Variants in SLC10A7 observed in about 807,000 individuals in gnomAD.
The protein encoded by SLC10A7 is solute carrier family 10 member 7.
Under a neutral mutation model 43.2 loss-of-function variants are expected in SLC10A7, and 29 were observed. That is an observed-to-expected ratio of 0.67 (90% CI 0.50 to 0.92). The LOEUF (loss-of-function observed/expected upper bound fraction) is 0.92. SLC10A7 is among the 40% of genes least tolerant of loss of function. The probability of loss-of-function intolerance (pLI) is 0.00; values close to 1 mark genes in which losing one functional copy is unlikely to be tolerated. For synonymous variants in SLC10A7, 152 were observed against 144.8 expected (o/e 1.05, Z -0.35); for missense variants, 295 against 403.2 (o/e 0.73, Z 2.30).
At chr4:146,280,021 G>A (rs1391341572) in intron 10 of SLC10A7, among the ~76,000 whole-genome samples, 3 of 152,062 alleles carry the variant, frequency 2.0e-5, no homozygotes, top group African/African-American at 7.2e-5. Flanking sequence ...TACTCAGAAA[G>A]CTTCTCAAGC....
intron 4 of SLC10A7, among the ~76,000 whole-genome samples, chr4:146,472,856 T>A (rs974420169): frequency 6.6e-6 from 1 of 152,248 alleles, no homozygotes; most frequent in Non-Finnish European, 1.5e-5. Flanking sequence ...GATTGACTTA[T>A]TGCCTTTTAA....
chr4:146,489,731 G>A (rs987034916), intron 4 of SLC10A7, among the ~76,000 whole-genome samples: 1 of 152,152 alleles, frequency 6.6e-6, no homozygotes, highest in African/African-American at 2.4e-5. Flanking sequence ...ATCAGAAAGT[G>A]CTTGCATTTC....
At chr4:146,276,728 T>G (rs1341510070) in intron 10 of SLC10A7, among the ~76,000 whole-genome samples, 2 of 152,078 alleles carry the variant, frequency 1.3e-5, no homozygotes, top group African/African-American at 4.8e-5. Context: ...GGTGGGAGGA[T>G]TGCTTGAGGC....
chr4:146,424,879 T>G (rs1402504404), intron 5 of SLC10A7, among the ~76,000 whole-genome samples: 1 of 152,120 alleles, frequency 6.6e-6, no homozygotes, highest in African/African-American at 2.4e-5. Context: ...TATTATTAAT[T>G]TGTCAGAACA....
intron 5 of SLC10A7, among the ~76,000 whole-genome samples, chr4:146,409,520 G>T: frequency 6.6e-6 from 1 of 152,014 alleles, no homozygotes; most frequent in East Asian, 1.9e-4. Context: ...GGGGGTGATG[G>T]AATGTTCTAC....
rs1047500055 is a variant in SLC10A7, at chr4:146,351,552, T to A, written c.436-25556A>T. On this transcript the variant is annotated intron_variant, in intron 5 of 11. Coordinates refer to ENST00000335472, the MANE Select transcript of SLC10A7 (RefSeq NM_001029998.6). ...ACAGAGAATGCCACAAAGATACTCC[T>A]CGAGAAGAGCAACTCCAAGACACAT... Among the ~76,000 whole-genome samples the A allele has an allele frequency of 3.3e-4, 49 of 150,516 alleles. No homozygotes were observed. The East Asian group carries it at 7.1e-3, about 22-fold the overall frequency.
rs1730281428 is a variant in SLC10A7, at chr4:146,289,720, T to TG, written c.773+3208_773+3209insC. On this transcript the variant is annotated intron_variant, in intron 9 of 11. Transcript: ENST00000335472. ...TCTGATTATTAGTTTTTTTTTTTTTTTTTTTTTTTTTTTGAGATGGAGTCT... is the reference window on the plus strand; with the variant it reads ...TCTGATTATTAGTTTTTTTTTTTTTTGTTTTTTTTTTTTTGAGATGGAGTCT... Among the ~76,000 whole-genome samples the TG allele has an allele frequency of 2.1e-5, 3 of 139,714 alleles. 1 individual carries two copies. The South Asian group carries it at 7.4e-4, about 34-fold the overall frequency. The allele number at this position is 139,714 out of a possible 152,430, so 91.7% of individuals were successfully genotyped here.
intron 4 of SLC10A7, among the ~76,000 whole-genome samples, chr4:146,477,157 T>C (rs1294652382): frequency 6.6e-6 from 1 of 152,198 alleles, no homozygotes; most frequent in Non-Finnish European, 1.5e-5. Context: ...CTAACACATA[T>C]CTCCAATTAG....
chr4:146,319,921 TTATC>T (rs1392454585), intron 6 of SLC10A7, among the ~76,000 whole-genome samples: 4 of 152,006 alleles, frequency 2.6e-5, no homozygotes, highest in African/African-American at 4.8e-5. Context: ...AAAAGACAGT[TTATC>T]TATAGAAACA....
At chr4:146,508,555 T>C (rs565154166) in intron 3 of SLC10A7, among the ~76,000 whole-genome samples, 1 of 152,292 alleles carries the variant, frequency 6.6e-6, no homozygotes, top group South Asian at 2.1e-4. Context: ...AAGTAAATGA[T>C]GCTACCAATT....
chr4:146,460,381 T>A (rs1467217643), intron 4 of SLC10A7, among the ~76,000 whole-genome samples: 1 of 152,032 alleles, frequency 6.6e-6, no homozygotes, highest in African/African-American at 2.4e-5. Flanking sequence ...AGACTTGTAT[T>A]CAAATGTTCG....
At chr4:146,400,865 T>C (rs1440731916) in intron 5 of SLC10A7, among the ~76,000 whole-genome samples, 1 of 152,060 alleles carries the variant, frequency 6.6e-6, no homozygotes, top group Non-Finnish European at 1.5e-5. Flanking sequence ...AAAAGAAGAA[T>C]ACAAAATAAA....
intron 9 of SLC10A7, among the ~76,000 whole-genome samples, chr4:146,283,585 T>C (rs769203028): frequency 2.0e-5 from 3 of 152,152 alleles, no homozygotes; most frequent in Non-Finnish European, 2.9e-5. Context: ...GGTTACCACT[T>C]GAAATTTACC....
intron 10 of SLC10A7, among the ~76,000 whole-genome samples, chr4:146,264,443 G>A (rs1728429442): frequency 6.6e-6 from 1 of 151,994 alleles, no homozygotes; most frequent in Non-Finnish European, 1.5e-5. Context: ...ACTTGTGTAG[G>A]TGTGCTATGT....
At chr4:146,444,081 T>C (rs954825867) in intron 4 of SLC10A7, among the ~76,000 whole-genome samples, 1 of 152,154 alleles carries the variant, frequency 6.6e-6, no homozygotes, top group Non-Finnish European at 1.5e-5. Flanking sequence ...TTGTAAACTA[T>C]AGCAATATAT....
rs557026790 is a variant in SLC10A7, at chr4:146,517,229, G to A, written c.101-109C>T. ...TGTAATCCCAGCACTTTGGGAGGCC[G>A]AGGCGAGTAGAGCACTTGAGGCCAG... On this transcript the variant is annotated intron_variant, in intron 1 of 11. Coordinates refer to ENST00000335472, the MANE Select transcript of SLC10A7 (RefSeq NM_001029998.6). The A allele has an allele frequency of 5.8e-4, 424 of 728,682 alleles. 1 individual carries two copies. The highest frequency in any genetic ancestry group is 3.4e-3 in the African/African-American group (194 of 56,342). The allele number at this position is 728,682 out of a possible 1,614,324, so 45.1% of individuals were successfully genotyped here.
chr4:146,322,761 G>A (rs1732814613), intron 6 of SLC10A7, among the ~76,000 whole-genome samples: 1 of 152,086 alleles, frequency 6.6e-6, no homozygotes, highest in South Asian at 2.1e-4. Context: ...TGGGTCAAAT[G>A]GTATTTCTAG....
At chr4:146,425,808 C>A (rs139546242) in intron 5 of SLC10A7, among the ~76,000 whole-genome samples, 6 of 152,160 alleles carry the variant, frequency 3.9e-5, no homozygotes, top group African/African-American at 1.4e-4. Context: ...AAATGATGGA[C>A]ATGTCTGTTT....
intron 5 of SLC10A7, among the ~76,000 whole-genome samples, chr4:146,384,933 A>C: frequency 6.6e-6 from 1 of 152,268 alleles, no homozygotes. Context: ...GAATAATTAT[A>C]TAAGAATAGT....
Sources: allele counts gnomAD v4.1 joint callset (sites outside exome capture counted in the v4.1 genomes callset), GRCh38; gene constraint gnomAD v4.1.1; transcripts MANE v1.5; gene names NCBI Gene and HGNC (gene_info 2026-07-23, HGNC 2026-07-21).